Variants in PHYH observed in about 807,000 individuals in gnomAD.
PHYH encodes the protein phytanoyl-CoA 2-hydroxylase, also known as phytanoyl-CoA dioxygenase, peroxisomal.
In PHYH, 32 loss-of-function variants were observed where a neutral mutation model predicts 38.5. The ratio of observed to expected loss-of-function variants is 0.83; its 90% CI spans 0.63 to 1.12. The LOEUF (loss-of-function observed/expected upper bound fraction) is 1.12. Ranked by LOEUF, PHYH falls within the 50% of genes most tolerant of loss-of-function variation. The pLI, the probability that PHYH is intolerant of heterozygous loss-of-function variation, is 0.00. For synonymous variants in PHYH, 166 were observed against 157.9 expected (o/e 1.05, Z -0.38); for missense variants, 426 against 434.8 (o/e 0.98, Z 0.18).
At chr10:13,289,974 AAC>A (rs375076607) in intron 5 of PHYH, among the ~76,000 whole-genome samples, 66 of 149,930 alleles carry the variant, frequency 4.4e-4, no homozygotes, top group Admixed American at 2.3e-3. Context: ...AAGAAAAAAA[AAC>A]ACACAAAACA....
rs897290546 is a variant in PHYH at position 13,278,160 on chromosome 10, A to G, written c.*141T>C. The G allele has an allele frequency of 1.4e-6, 1 of 697,558 alleles. No individual in the cohort carries two copies. The highest frequency in any genetic ancestry group is 2.8e-5 in the East Asian group (1 of 36,288). The allele number at this position is 697,558 out of a possible 1,614,324, so 43.2% of individuals were successfully genotyped here. On this transcript the variant is annotated 3_prime_UTR_variant, in exon 9 of 9. Coordinates refer to ENST00000263038, the MANE Select transcript of PHYH (RefSeq NM_006214.4). Reference sequence around the variant, plus strand: ...ACCATTGTGCTGCAAAACTAACTCTATGCAATTAAGTACCTGATACATGTT... The same window carrying G: ...ACCATTGTGCTGCAAAACTAACTCTGTGCAATTAAGTACCTGATACATGTT...
intron 2 of PHYH, 72 bp downstream of exon 2, chr10:13,298,115 T>C (rs1588519235): frequency 1.2e-6 from 1 of 854,076 alleles, no homozygotes; most frequent in Non-Finnish European, 2.0e-6. Flanking sequence ...TATTATGTGG[T>C]ATATCTTCAT....
At chr10:13,298,327 G>T (rs1018782329) in intron 1 of PHYH, 82 bp from the exon 2 acceptor site, 13 of 835,128 alleles carry the variant, frequency 1.6e-5, no homozygotes, top group Non-Finnish European at 2.5e-5. Flanking sequence ...AGCACTTTGG[G>T]AGGCTGAGGC....
rs548186347 is a variant in PHYH at position 13,283,285 on chromosome 10, T to A, written c.828+405A>T. 9.9e-5 allele frequency among the ~76,000 whole-genome samples: 15 copies of A among 151,962 alleles called. No homozygotes were observed. In the East Asian group the frequency reaches 2.5e-3, roughly 26 times the overall value. ...GCTGGGACTACAGGCGCCCGCCACC[T>A]CGCCCAGCTAATTTTTTGTATTTTT... On this transcript the variant is annotated intron_variant, in intron 7 of 8. Coordinates refer to ENST00000263038, the MANE Select transcript of PHYH (RefSeq NM_006214.4).
chr10:13,300,047 G>T lies in PHYH; in HGVS notation c.-5C>A. The T allele has an allele frequency of 6.5e-7, 1 of 1,530,420 alleles. No homozygotes were observed. Among genetic ancestry groups the T allele is most frequent in the Non-Finnish European group, 8.7e-7 (1 of 1,143,910 alleles). The allele number at this position is 1,530,420 out of a possible 1,614,324, so 94.8% of individuals were successfully genotyped here. A position where few individuals can be genotyped will look rare whatever the true frequency, so the allele number is the denominator to read the frequency against. On this transcript the variant is annotated 5_prime_UTR_variant, in exon 1 of 9. Transcript: ENST00000263038. ...GGCGGCGCGAAGCTGCTCCATGGCT[G>T]CGGCGCGGGGAACCCCCACCCCTCC...
chr10:13,287,859 C>G (rs1241791635), intron 6 of PHYH, among the ~76,000 whole-genome samples: 2 of 152,138 alleles, frequency 1.3e-5, no homozygotes, highest in African/African-American at 4.8e-5. Flanking sequence ...AGTACCTACC[C>G]AAGCTCCCCA....
chr10:13,294,678 G>T, intron 3 of PHYH, 82 bp from the exon 4 acceptor site: 2 of 1,201,458 alleles, frequency 1.7e-6, no homozygotes, highest in East Asian at 4.7e-5. Context: ...AAGGGTTGCA[G>T]ACTTGAGGGG....
chr10:13,295,681 A>G, intron 2 of PHYH, 75 bp from the exon 3 acceptor site: 1 of 757,008 alleles, frequency 1.3e-6, no homozygotes, highest in South Asian at 1.4e-5. Flanking sequence ...CACACCTCTA[A>G]TACTAGCACT....
intron 7 of PHYH, among the ~76,000 whole-genome samples, 189 bp downstream of exon 7, chr10:13,283,501 A>T (rs540076987): frequency 2.0e-5 from 3 of 152,322 alleles, no homozygotes; most frequent in Admixed American, 2.0e-4. Context: ...AGAAAGCCCA[A>T]GGTAAGCAAA....
chr10:13,296,746 T>TCAG (rs1233770891), intron 2 of PHYH, among the ~76,000 whole-genome samples: 2 of 131,756 alleles, frequency 1.5e-5, no homozygotes, highest in Non-Finnish European at 3.3e-5. Context: ...GATCACGAGG[T>TCAG]CAGATCGGGA....
intron 4 of PHYH, among the ~76,000 whole-genome samples, chr10:13,292,789 C>T (rs1835744101): frequency 1.3e-5 from 2 of 151,842 alleles, no homozygotes; most frequent in African/African-American, 2.4e-5. Flanking sequence ...AAAAATTCGC[C>T]GGGCATGGTG....
chr10:13,278,255 G>T lies in PHYH; in HGVS notation c.*46C>A. On this transcript the variant is annotated 3_prime_UTR_variant, in exon 9 of 9. Transcript: ENST00000263038. ...AGAAAACATTTTCCTTAGACATTTC[G>T]TTTGGTTTTGGTTTTCTGTTGAAAG... is the stretch of plus-strand genomic sequence containing the variant. The T allele has an allele frequency of 7.9e-7, 1 of 1,273,158 alleles. No individual in the cohort carries two copies. Among genetic ancestry groups the T allele is most frequent in the Non-Finnish European group, 1.2e-6 (1 of 869,092 alleles). The allele number at this position is 1,273,158 out of a possible 1,614,324, so 78.9% of individuals were successfully genotyped here.
At chr10:13,283,372 A>G (rs981554320) in intron 7 of PHYH, among the ~76,000 whole-genome samples, 14 of 150,982 alleles carry the variant, frequency 9.3e-5, no homozygotes, top group African/African-American at 2.9e-4. Flanking sequence ...CTCGTGATCC[A>G]CCCGCCTTGG....
chr10:13,283,230 C>T (rs1033096662), intron 7 of PHYH, among the ~76,000 whole-genome samples: 3 of 148,480 alleles, frequency 2.0e-5, no homozygotes, highest in South Asian at 2.1e-4. Context: ...CTGGGGTTCA[C>T]GCCATTCTCC....
intron 6 of PHYH, among the ~76,000 whole-genome samples, chr10:13,285,560 G>A (rs1414991721): frequency 1.3e-5 from 2 of 150,970 alleles, no homozygotes; most frequent in Non-Finnish European, 2.9e-5. Context: ...AACAATGGGG[G>A]CTCTTTCCAT....
chr10:13,287,009 A>G (rs958478918), intron 6 of PHYH, among the ~76,000 whole-genome samples: 2 of 152,304 alleles, frequency 1.3e-5, no homozygotes, highest in East Asian at 1.9e-4. Flanking sequence ...TTATACCTCA[A>G]TGAAACTGTT....
intron 1 of PHYH, chr10:13,299,766 C>A: frequency 7.6e-7 from 1 of 1,310,682 alleles, no homozygotes; most frequent in Non-Finnish European, 9.7e-7. Context: ...GGCGGCCGCG[C>A]GTGTCCTCGG....
chr10:13,291,705 C>T lies in PHYH; in HGVS notation c.496+126G>A, dbSNP rs544683848. On this transcript the variant is annotated intron_variant, in intron 5 of 8. Coordinates refer to ENST00000263038, the MANE Select transcript of PHYH (RefSeq NM_006214.4). ...ATGTTGCCCAGGCCACTCTCAAACT[C>T]CTGGCCTCAGAGATCTTCCTCCCTT... 7.0e-6 allele frequency: 5 copies of T among 714,212 alleles called. No individual in the cohort carries two copies. In the African/African-American group the frequency reaches 8.7e-5, roughly 12 times the overall value. The allele number at this position is 714,212 out of a possible 1,614,324, so 44.2% of individuals were successfully genotyped here.
At chr10:13,280,450 A>G (rs572284306) in intron 8 of PHYH, among the ~76,000 whole-genome samples, 5 of 151,800 alleles carry the variant, frequency 3.3e-5, no homozygotes, top group African/African-American at 1.2e-4. Flanking sequence ...TGAGCCTTTC[A>G]ACTCAGCCTT....
Sources: gnomAD v4.1 joint callset for allele counts (sites outside exome capture counted in the v4.1 genomes callset) on GRCh38, gnomAD v4.1.1 for gene constraint, MANE v1.5 for transcripts, NCBI Gene and HGNC (gene_info 2026-07-23, HGNC 2026-07-21) for gene names.